ALG14: variants seen among roughly 807,000 people sequenced by gnomAD.
The protein encoded by ALG14 is ALG14 UDP-N-acetylglucosaminyltransferase subunit.
A neutral mutation model predicts 22.8 loss-of-function variants in ALG14; 17 were observed. That is an observed-to-expected ratio of 0.75 (90% CI 0.51 to 1.12). The LOEUF (loss-of-function observed/expected upper bound fraction) is 1.12. Among genes scored for constraint, ALG14 ranks in the 50% most tolerant of loss-of-function variants. ALG14 has a pLI of 0.00. For synonymous variants in ALG14, 89 were observed against 103.7 expected, an observed-to-expected ratio of 0.86 and a Z score of 0.86; for missense variants, 288 against 271.8, an observed-to-expected ratio of 1.06 and a Z score of -0.42.
rs2797622 is a variant in ALG14, at chr1:94,978,646, G to A, written c.*4430C>T. 0.65 allele frequency: 98,622 copies of A among 151,894 alleles called. 33,395 individuals carry two copies. Among genetic ancestry groups the A allele is most frequent in the East Asian group, 0.85 (4,389 of 5,154 alleles). 9.4% of individuals were successfully genotyped at this position (151,894 alleles called of 1,614,324 possible). ...AATGAAGACAAAGACTTTGTGGGTG[G>A]GGCAAAATCTAAGTTGGGAGTGAAG... On this transcript the variant is annotated 3_prime_UTR_variant, in exon 4 of 4. Coordinates refer to ENST00000370205, the MANE Select transcript of ALG14 (RefSeq NM_144988.4).
intron 2 of ALG14, among the ~76,000 whole-genome samples, chr1:95,029,953 A>G (rs934353378): frequency 1.3e-5 from 2 of 152,190 alleles, no homozygotes; most frequent in Non-Finnish European, 2.9e-5. Flanking sequence ...CTAGAAACTA[A>G]TACTGAGTAG....
chr1:94,975,425 G>A lies in ALG14; in HGVS notation c.*7651C>T, dbSNP rs924428341. Reference sequence around the variant, plus strand: ...GAGCATTTGGGTTGTTTCTACTTTCGGGTTATTATGAATAACGCTGCTGCG... The same window carrying A: ...GAGCATTTGGGTTGTTTCTACTTTCAGGTTATTATGAATAACGCTGCTGCG... On this transcript the variant is annotated 3_prime_UTR_variant, in exon 4 of 4. Coordinates refer to ENST00000370205, the MANE Select transcript of ALG14 (RefSeq NM_144988.4). 1 of 152,022 alleles carries A rather than the reference G, an allele frequency of 6.6e-6. No homozygotes were observed. The highest frequency in any genetic ancestry group is 2.4e-5 in the African/African-American group (1 of 41,352). The allele number at this position is 152,022 out of a possible 1,614,324, so 9.4% of individuals were successfully genotyped here.
intron 2 of ALG14, among the ~76,000 whole-genome samples, chr1:95,046,986 C>CATAACATAAT (rs2100807544): frequency 1.0e-5 from 1 of 96,938 alleles, no homozygotes; most frequent in South Asian, 2.9e-4. Context: ...CATAACATAA[C>CATAACATAAT]ATAACATAAC....
chr1:95,046,054 C>T (rs1337136147), intron 2 of ALG14, among the ~76,000 whole-genome samples: 1 of 150,590 alleles, frequency 6.6e-6, no homozygotes, highest in African/African-American at 2.4e-5. Flanking sequence ...ACTCAGTATA[C>T]TCAGTATTGC....
chr1:94,986,296 T>C (rs6659543), intron 3 of ALG14, among the ~76,000 whole-genome samples: 1,989 of 152,276 alleles, frequency 0.013, 41 homozygotes, highest in African/African-American at 0.046. Flanking sequence ...ACTCTGCACC[T>C]AGAACAAAGC....
rs1672399114 is a variant in ALG14 at position 94,976,464 on chromosome 1, G to T, written c.*6612C>A. The T allele has an allele frequency of 6.6e-6, 1 of 152,156 alleles. No individual in the cohort carries two copies. The highest frequency in any genetic ancestry group is 2.4e-5 in the African/African-American group (1 of 41,426). 9.4% of individuals were successfully genotyped at this position (152,156 alleles called of 1,614,324 possible). ...TTCCAGCACTTTGGGAAGCCGAGGTGGGCGGATCACTTGAGCCCAGGAGTT... is the reference window on the plus strand; with the variant it reads ...TTCCAGCACTTTGGGAAGCCGAGGTTGGCGGATCACTTGAGCCCAGGAGTT... On this transcript the variant is annotated 3_prime_UTR_variant, in exon 4 of 4. Coordinates refer to ENST00000370205, the MANE Select transcript of ALG14 (RefSeq NM_144988.4).
chr1:95,061,987 A>G (rs1193950198), intron 2 of ALG14: 1 of 152,100 alleles, frequency 6.6e-6, no homozygotes, highest in Non-Finnish European at 1.5e-5. Context: ...TTAAAAAAAA[A>G]AATCTCTAAA....
chr1:95,042,392 A>T (rs1674408718), intron 2 of ALG14, among the ~76,000 whole-genome samples: 1 of 152,044 alleles, frequency 6.6e-6, no homozygotes, highest in South Asian at 2.1e-4. Context: ...GTTATTTATC[A>T]TTCCTGTTAC....
rs1235450604 is a variant in ALG14, at chr1:94,983,158, T to C, written c.569A>G (p.His190Arg). ...CTGAACAATGAAGTAATCTGAGAGATGAAACAGAATCTTTCCGGACATGGA... is the reference window on the plus strand; with the variant it reads ...CTGAACAATGAAGTAATCTGAGAGACGAAACAGAATCTTTCCGGACATGGA... ...TLSMSGKILFHLSDYFIVQWP... is the reference protein window; with the variant it reads ...TLSMSGKILFRLSDYFIVQWP... The change falls in exon 4 of 4, where the codon CAT (histidine) becomes CGT (arginine). Residue 190 changes from histidine (H) to arginine (R), a missense_variant. Physicochemically the swap from His to Arg is conservative, Grantham distance 29 (BLOSUM62 0). Transcript: ENST00000370205. The C allele has an allele frequency of 6.2e-6, 10 of 1,614,160 alleles. No homozygotes were observed. The highest frequency in any genetic ancestry group is 1.7e-5 in the Admixed American group (1 of 60,030).
intron 2 of ALG14, among the ~76,000 whole-genome samples, chr1:95,045,843 C>T (rs61774263): frequency 0.98 from 124,903 of 127,092 alleles, 61,429 homozygotes; most frequent in Middle Eastern, 1. Flanking sequence ...AATAGAATGG[C>T]ATACTAATAG....
intron 3 of ALG14, among the ~76,000 whole-genome samples, chr1:94,988,455 G>A (rs560834389): frequency 3.3e-5 from 5 of 152,320 alleles, no homozygotes; most frequent in Non-Finnish European, 5.9e-5. Flanking sequence ...CAAGAGAAGA[G>A]TAATGGAAAC....
At chr1:95,048,695 C>T (rs1674648658) in intron 2 of ALG14, among the ~76,000 whole-genome samples, 1 of 152,104 alleles carries the variant, frequency 6.6e-6, no homozygotes, top group Admixed American at 6.6e-5. Flanking sequence ...TACTTTACTA[C>T]TCTTTACTTT....
At chr1:95,032,791 G>A (rs1674054361) in intron 2 of ALG14, among the ~76,000 whole-genome samples, 2 of 152,208 alleles carry the variant, frequency 1.3e-5, no homozygotes, top group Admixed American at 1.3e-4. Context: ...ACTTGACACA[G>A]AAATTGGGTA....
intron 2 of ALG14, among the ~76,000 whole-genome samples, chr1:95,047,242 GA>G (rs569938708): frequency 1.3e-5 from 2 of 152,158 alleles, no homozygotes; most frequent in East Asian, 3.9e-4. Flanking sequence ...AACAGAAGGG[GA>G]AAAAAAGCAC....
intron 3 of ALG14, among the ~76,000 whole-genome samples, chr1:95,006,389 T>C (rs1377736124): frequency 6.8e-6 from 1 of 147,530 alleles, no homozygotes; most frequent in East Asian, 1.9e-4. Context: ...AAAGGCATGA[T>C]ATAAAAAGGA....
chr1:94,983,986 T>C (rs905466265), intron 3 of ALG14, among the ~76,000 whole-genome samples: 4 of 152,000 alleles, frequency 2.6e-5, no homozygotes, highest in African/African-American at 9.7e-5. Context: ...CCTCATGATC[T>C]GCCCACTTCA....
intron 3 of ALG14, among the ~76,000 whole-genome samples, chr1:95,001,894 A>C (rs995507351): frequency 1.3e-5 from 2 of 152,244 alleles, no homozygotes; most frequent in African/African-American, 4.8e-5. Flanking sequence ...GCATAAATAT[A>C]GGCATTCAAT....
intron 1 of ALG14, among the ~76,000 whole-genome samples, chr1:95,068,474 G>A (rs1675452597): frequency 6.6e-6 from 1 of 152,028 alleles, no homozygotes; most frequent in Non-Finnish European, 1.5e-5. Flanking sequence ...TTTTTTAGTA[G>A]AGATGGGGTT....
intron 2 of ALG14, among the ~76,000 whole-genome samples, chr1:95,036,905 C>A (rs1308459614): frequency 6.6e-6 from 1 of 152,128 alleles, no homozygotes; most frequent in African/African-American, 2.4e-5. Flanking sequence ...ATCAGGGATC[C>A]TTAACTAGCC....
Sources: allele counts gnomAD v4.1 joint callset (sites outside exome capture counted in the v4.1 genomes callset), GRCh38; gene constraint gnomAD v4.1.1; transcripts MANE v1.5; gene names NCBI Gene and HGNC (gene_info 2026-07-23, HGNC 2026-07-21).